GASK1A: variants seen among roughly 807,000 people sequenced by gnomAD.
GASK1A encodes golgi associated kinase 1A, also known as Golgi-associated kinase 1A.
In GASK1A, 40 loss-of-function variants were observed where a neutral mutation model predicts 41.2. That is an observed-to-expected ratio of 0.97 (90% CI 0.75 to 1.27). The LOEUF is 1.27. Ranked by LOEUF, GASK1A falls within the 50% of genes most tolerant of loss-of-function variation. The probability of loss-of-function intolerance (pLI) is 0.00; values close to 1 mark genes in which losing one functional copy is unlikely to be tolerated. For synonymous variants in GASK1A, 316 were observed against 307.1 expected, an observed-to-expected ratio of 1.03 and a Z score of -0.30; for missense variants, 678 against 745.1, an observed-to-expected ratio of 0.91 and a Z score of 1.05.
intron 2 of GASK1A, among the ~76,000 whole-genome samples, chr3:43,042,802 C>T (rs62247125): frequency 3.3e-5 from 5 of 152,164 alleles, no homozygotes; most frequent in Admixed American, 6.5e-5. Context: ...CTGGTCTATT[C>T]GCCGGCTTCC....
chr3:42,992,473 A>C (rs2089346454), intron 1 of GASK1A, among the ~76,000 whole-genome samples: 1 of 152,198 alleles, frequency 6.6e-6, no homozygotes, highest in African/African-American at 2.4e-5. Context: ...CTGTGATTAC[A>C]TTCTCCTTGG....
chr3:42,993,790 GA>G (rs2089354763), intron 1 of GASK1A, among the ~76,000 whole-genome samples: 2 of 152,142 alleles, frequency 1.3e-5, no homozygotes, highest in South Asian at 4.1e-4. Context: ...CTGGGTGTTG[GA>G]AGATAATTTC....
chr3:42,984,739 G>A lies in GASK1A; in HGVS notation c.3+5094G>A, dbSNP rs779122034. ...ACAGGCTCCTGCCTTTAAGGGTACCGCTTTGCTTTAGAGCAGAAAGCAGGG... is the reference window on the plus strand; with the variant it reads ...ACAGGCTCCTGCCTTTAAGGGTACCACTTTGCTTTAGAGCAGAAAGCAGGG... On this transcript the variant is annotated intron_variant, in intron 1 of 4. Coordinates refer to ENST00000430121, the MANE Select transcript of GASK1A (RefSeq NM_001129908.3). This position sits in a 1 kb window ranked among gnomAD's most constrained non-coding sequence, Gnocchi z 4.2. 3.3e-5 allele frequency among the ~76,000 whole-genome samples: 5 copies of A among 152,166 alleles called. No homozygotes were observed. Among genetic ancestry groups the A allele is most frequent in the Non-Finnish European group, 7.3e-5 (5 of 68,032 alleles).
chr3:42,992,826 C>G (rs1457043961), intron 1 of GASK1A, among the ~76,000 whole-genome samples: 1 of 152,212 alleles, frequency 6.6e-6, no homozygotes, highest in Non-Finnish European at 1.5e-5. Context: ...AGAATCACAG[C>G]AGATTCACAA....
chr3:43,037,314 C>T (rs948667202), intron 2 of GASK1A: 7 of 871,114 alleles, frequency 8.0e-6, no homozygotes, highest in Non-Finnish European at 1.4e-5. Flanking sequence ...TGACAGGGCT[C>T]CCAGCCACTC....
intron 1 of GASK1A, among the ~76,000 whole-genome samples, chr3:43,029,226 A>G (rs2089562544): frequency 6.6e-6 from 1 of 151,584 alleles, no homozygotes; most frequent in Non-Finnish European, 1.5e-5. Flanking sequence ...GCTGCAAGGG[A>G]GGCTTTGGTT....
At position 43,004,508 on chromosome 3, in the gene GASK1A, A is replaced by T. The variant is rs146362095; in HGVS notation, c.3+24863A>T. 5.9e-4 allele frequency among the ~76,000 whole-genome samples: 90 copies of T among 152,332 alleles called. No homozygotes were observed. The East Asian group carries it at 0.014, about 24-fold the overall frequency. On this transcript the variant is annotated intron_variant, in intron 1 of 4. Coordinates refer to ENST00000430121, the MANE Select transcript of GASK1A (RefSeq NM_001129908.3). Reference sequence around the variant, plus strand: ...CCCTCTTCTCAGTAGAAGATGACTCACTGGATAGCTCAACCACAGCTTCTT... The same window carrying T: ...CCCTCTTCTCAGTAGAAGATGACTCTCTGGATAGCTCAACCACAGCTTCTT...
At chr3:43,005,379 A>G (rs1310400313) in intron 1 of GASK1A, among the ~76,000 whole-genome samples, 1 of 152,170 alleles carries the variant, frequency 6.6e-6, no homozygotes, top group East Asian at 1.9e-4. Flanking sequence ...TACACAATTT[A>G]TGTTTTCATT....
intron 2 of GASK1A, among the ~76,000 whole-genome samples, chr3:43,034,620 C>T (rs2089596095): frequency 6.6e-6 from 1 of 152,240 alleles, no homozygotes; most frequent in African/African-American, 2.4e-5. Context: ...TCCTCAATGT[C>T]AGCCCTTAGG....
chr3:42,986,978 C>G (rs2125672601), intron 1 of GASK1A, among the ~76,000 whole-genome samples: 1 of 152,304 alleles, frequency 6.6e-6, no homozygotes, highest in East Asian at 1.9e-4. Context: ...TTCCTCCTTT[C>G]TCTTCATTTT....
chr3:43,033,104 G>A lies in GASK1A; in HGVS notation c.841G>A (p.Ala281Thr). 1 of 1,551,742 alleles carries A rather than the reference G, an allele frequency of 6.4e-7. No individual in the cohort carries two copies. The highest frequency in any genetic ancestry group is 8.7e-7 in the Non-Finnish European group (1 of 1,146,978). Residue 281 changes from alanine (A) to threonine (T), a missense_variant, in exon 2 of 5, where the codon GCC becomes ACC. Physicochemically the swap from Ala to Thr is moderately conservative, Grantham distance 58. Coordinates refer to ENST00000430121, the MANE Select transcript of GASK1A (RefSeq NM_001129908.3). ...GGCACAGGGGGAGGTGGTGGACAAA[G>A]CCAGGGTCCCCGCCCATGGGCAGGT... ...LLAQGEVVDK[A>T]RVPAHGQVLQ...
chr3:43,037,665 G>C (rs919395979), intron 2 of GASK1A, among the ~76,000 whole-genome samples: 38 of 152,042 alleles, frequency 2.5e-4, no homozygotes, highest in African/African-American at 8.5e-4. Flanking sequence ...AAACAAAAAA[G>C]AGAAAGAAAA....
chr3:42,996,334 T>C (rs1011371930), intron 1 of GASK1A, among the ~76,000 whole-genome samples: 1 of 152,254 alleles, frequency 6.6e-6, no homozygotes, highest in Non-Finnish European at 1.5e-5. Flanking sequence ...ACACCTCATG[T>C]AACTCTCATA....
intron 1 of GASK1A, among the ~76,000 whole-genome samples, chr3:42,983,729 A>G (rs2089293166): frequency 6.6e-6 from 1 of 152,154 alleles, no homozygotes; most frequent in Admixed American, 6.5e-5. Context: ...GGGAAATTTG[A>G]TCCCCTCTCT....
Position 42,984,875 on chromosome 3 carries a change from A to T in GASK1A, c.3+5230A>T, listed in dbSNP as rs1363668868. Among the ~76,000 whole-genome samples the T allele has an allele frequency of 3.9e-5, 6 of 152,190 alleles. No homozygotes were observed. The highest frequency in any genetic ancestry group is 8.8e-5 in the Non-Finnish European group (6 of 68,024). On this transcript the variant is annotated intron_variant, in intron 1 of 4. Transcript: ENST00000430121. The surrounding 1 kb of genome is among the most constrained non-coding windows in gnomAD (Gnocchi z 4.2). The stretch of plus-strand genomic sequence containing the variant: ...TCTACCAGGGAGTTGAGCTAGCACC[A>T]TCACAGGCAGAGCTAGGTTGTAAGG...
chr3:43,007,195 C>A (rs1413433981), intron 1 of GASK1A, among the ~76,000 whole-genome samples: 2 of 152,206 alleles, frequency 1.3e-5, no homozygotes, highest in Non-Finnish European at 2.9e-5. Context: ...GGGGCAATTG[C>A]AAATATCTGA....
intron 1 of GASK1A, among the ~76,000 whole-genome samples, chr3:42,994,448 G>C (rs1314256598): frequency 6.6e-6 from 1 of 152,146 alleles, no homozygotes; most frequent in Non-Finnish European, 1.5e-5. Context: ...TGTGTATTTT[G>C]CTTGGGGAGC....
chr3:43,055,482 C>G lies in GASK1A; in HGVS notation c.1464C>G (p.Asn488Lys), dbSNP rs1027865987. 6.4e-7 allele frequency: 1 copy of G among 1,551,958 alleles called. No homozygotes were observed. The highest frequency in any genetic ancestry group is 2.4e-5 in the East Asian group (1 of 40,906). The change falls in exon 4 of 5, where the codon AAC becomes AAG. Residue 488 changes from asparagine to lysine, a missense_variant. Asn to Lys is a moderately conservative substitution (Grantham distance 94). Coordinates refer to ENST00000430121, the MANE Select transcript of GASK1A (RefSeq NM_001129908.3). ...TGGTCTACATCGATAACGCTGGCAA[C>G]CTTCAGCACCCTGAGGACAAGCTGA... ...SHLVYIDNAG[N>K]LQHPEDKLNF... is the part of the protein sequence containing the mutation.
At chr3:42,997,544 C>G (rs2089383440) in intron 1 of GASK1A, among the ~76,000 whole-genome samples, 1 of 152,126 alleles carries the variant, frequency 6.6e-6, no homozygotes, top group South Asian at 2.1e-4. Context: ...GGCCTCTCCT[C>G]CATGGGCTGT....
Sources: gnomAD v4.1 joint callset for allele counts (sites outside exome capture counted in the v4.1 genomes callset) on GRCh38, gnomAD v4.1.1 for gene constraint, Gnocchi (gnomAD v3.1) non-coding constraint, MANE v1.5 for transcripts, NCBI Gene and HGNC (gene_info 2026-07-23, HGNC 2026-07-21) for gene names.